BICRAL: variants seen among roughly 807,000 people sequenced by gnomAD.
BICRAL encodes BICRA like chromatin remodeling complex associated protein.
Under a neutral mutation model 91.8 loss-of-function variants are expected in BICRAL, and 8 were observed. That is an observed-to-expected ratio of 0.09 (90% confidence interval 0.05 to 0.16). BICRAL has a LOEUF of 0.16. Ranked by LOEUF, BICRAL falls within the 10% of genes least tolerant of loss-of-function variation. The pLI, the probability that BICRAL is intolerant of heterozygous loss-of-function variation, is 1.00. For synonymous variants in BICRAL, 445 were observed against 491.1 expected (o/e 0.91, Z 1.24); for missense variants, 1,038 against 1,310.9 (o/e 0.79, Z 3.21).
rs367929984 is a variant in BICRAL at position 42,829,420 on chromosome 6, A to G, written c.1087A>G (p.Ile363Val). The G allele has an allele frequency of 2.3e-5, 37 of 1,614,096 alleles. No homozygotes were observed. In the African/African-American group the frequency reaches 4.4e-4, roughly 19 times the overall value. The stretch of plus-strand genomic sequence containing the variant: ...AGTTGGTCCACACATGTCTGTGAAC[A>G]TTGTAAACCAACAGAACACAAGAAA... ...SVVGPHMSVN[I>V]VNQQNTRKPV... is the part of the protein sequence containing the mutation. Residue 363 changes from isoleucine to valine, a missense_variant, in exon 6 of 13, where the codon ATT (isoleucine) becomes GTT (valine). Physicochemically the swap from Ile to Val is conservative, Grantham distance 29 (BLOSUM62 3). Transcript: ENST00000314073.
intron 1 of BICRAL, among the ~76,000 whole-genome samples, chr6:42,755,618 C>A (rs572088843): frequency 6.6e-6 from 1 of 152,064 alleles, no homozygotes; most frequent in South Asian, 2.1e-4. Flanking sequence ...CACCAGGGTT[C>A]TCTGTCCTCT....
At chr6:42,840,713 T>G (rs1454040409) in intron 6 of BICRAL, among the ~76,000 whole-genome samples, 4 of 152,028 alleles carry the variant, frequency 2.6e-5, no homozygotes, top group Non-Finnish European at 5.9e-5. Flanking sequence ...AGTTTTGTAT[T>G]TTTAGTAGAG....
chr6:42,788,967 A>C (rs1398677967), intron 1 of BICRAL, among the ~76,000 whole-genome samples: 1 of 152,114 alleles, frequency 6.6e-6, no homozygotes, highest in Non-Finnish European at 1.5e-5. Context: ...TTCACCCAAA[A>C]TTCGTGTTTT....
At chr6:42,812,564 A>G (rs1169610356) in intron 2 of BICRAL, among the ~76,000 whole-genome samples, 2 of 152,158 alleles carry the variant, frequency 1.3e-5, no homozygotes, top group Non-Finnish European at 2.9e-5. Context: ...TAATAATGAC[A>G]TGGAGTATTT....
At chr6:42,791,113 G>A (rs551865139) in intron 1 of BICRAL, among the ~76,000 whole-genome samples, 3 of 152,134 alleles carry the variant, frequency 2.0e-5, no homozygotes, top group African/African-American at 7.2e-5. Flanking sequence ...GGTGGAGGAT[G>A]AAAGAGGACC....
intron 2 of BICRAL, 59 bp from the exon 3 acceptor site, chr6:42,821,959 A>T: frequency 9.8e-7 from 1 of 1,018,890 alleles, no homozygotes. Flanking sequence ...TATTGCATTG[A>T]TACTACTGTC....
At chr6:42,793,829 C>T (rs1763345617) in intron 1 of BICRAL, among the ~76,000 whole-genome samples, 1 of 143,832 alleles carries the variant, frequency 7.0e-6, no homozygotes, top group African/African-American at 2.6e-5. Flanking sequence ...AGTACAGTGG[C>T]CCCATCTCAG....
At chr6:42,775,661 T>C (rs1157785252) in intron 1 of BICRAL, among the ~76,000 whole-genome samples, 1 of 152,194 alleles carries the variant, frequency 6.6e-6, no homozygotes, top group Non-Finnish European at 1.5e-5. Context: ...TGAATGCTTT[T>C]TTTTTATTAT....
At chr6:42,788,625 G>A (rs1280359247) in intron 1 of BICRAL, among the ~76,000 whole-genome samples, 2 of 152,202 alleles carry the variant, frequency 1.3e-5, no homozygotes, top group African/African-American at 2.4e-5. Flanking sequence ...GGGCACAAGT[G>A]CAAGGTGAAT....
chr6:42,834,964 T>G (rs1208373049), intron 6 of BICRAL, among the ~76,000 whole-genome samples: 1 of 152,206 alleles, frequency 6.6e-6, no homozygotes, highest in Non-Finnish European at 1.5e-5. Context: ...AATATGTATA[T>G]TTATACACCC....
chr6:42,802,427 T>TG lies in BICRAL; in HGVS notation c.-101-7879_-101-7878insG, dbSNP rs1554277650. ...GGCTCTTTCAGCTTTTCGTGTTTTT[T>TG]TTTGTTGTTGTTGTTGTTGTTGTTG... is the stretch of plus-strand genomic sequence containing the variant. On this transcript the variant is annotated intron_variant, in intron 1 of 12. Coordinates refer to ENST00000314073, the MANE Select transcript of BICRAL (RefSeq NM_001393499.1). Among the ~76,000 whole-genome samples, 145 of 132,670 alleles carry TG rather than the reference T, an allele frequency of 1.1e-3. 1 individual carries two copies. The highest frequency in any genetic ancestry group is 1.0e-2 in the Admixed American group (133 of 13,328). The allele number at this position is 132,670 out of a possible 152,430, so 87.0% of individuals were successfully genotyped here.
At chr6:42,783,808 C>A (rs1375920416) in intron 1 of BICRAL, among the ~76,000 whole-genome samples, 2 of 152,238 alleles carry the variant, frequency 1.3e-5, no homozygotes. Flanking sequence ...CACCCCCACT[C>A]CTCCCAGTCG....
intron 6 of BICRAL, among the ~76,000 whole-genome samples, chr6:42,839,365 A>G (rs901168733): frequency 6.6e-6 from 1 of 152,040 alleles, no homozygotes; most frequent in African/African-American, 2.4e-5. Context: ...GGCTGGCTCT[A>G]ACTCCTGGGG....
intron 1 of BICRAL, among the ~76,000 whole-genome samples, chr6:42,770,477 C>T (rs1762702871): frequency 6.8e-6 from 1 of 147,236 alleles, no homozygotes; most frequent in African/African-American, 2.5e-5. Context: ...TGCAGTGGCG[C>T]AATCTCAGCT....
intron 8 of BICRAL, among the ~76,000 whole-genome samples, chr6:42,854,556 CACTCAG>C (rs1765285986): frequency 6.6e-6 from 1 of 152,084 alleles, no homozygotes; most frequent in Admixed American, 6.6e-5. Flanking sequence ...CTCACCCTGT[CACTCAG>C]ACTGTGCTGC....
intron 2 of BICRAL, among the ~76,000 whole-genome samples, chr6:42,814,507 A>G (rs745554103): frequency 1.1e-5 from 1 of 89,444 alleles, no homozygotes; most frequent in African/African-American, 5.0e-5. Context: ...GTGTATATAT[A>G]TATATATATA....
At chr6:42,837,811 TC>T (rs1304531747) in intron 6 of BICRAL, among the ~76,000 whole-genome samples, 1 of 152,044 alleles carries the variant, frequency 6.6e-6, no homozygotes, top group Non-Finnish European at 1.5e-5. Context: ...ATGAAGAGTT[TC>T]CCTCCTCGTC....
At chr6:42,849,671 C>A (rs894114235) in intron 6 of BICRAL, among the ~76,000 whole-genome samples, 1 of 150,768 alleles carries the variant, frequency 6.6e-6, no homozygotes, top group African/African-American at 2.4e-5. Flanking sequence ...TGTCTCCTGA[C>A]CTCGTGATCC....
At chr6:42,764,533 G>A (rs1307550408) in intron 1 of BICRAL, among the ~76,000 whole-genome samples, 1 of 147,510 alleles carries the variant, frequency 6.8e-6, no homozygotes, top group Non-Finnish European at 1.5e-5. Flanking sequence ...GTAAGACTCT[G>A]TCTTAAAAAA....
Sources: allele counts gnomAD v4.1 joint callset (sites outside exome capture counted in the v4.1 genomes callset), GRCh38; gene constraint gnomAD v4.1.1; transcripts MANE v1.5; gene names NCBI Gene and HGNC (gene_info 2026-07-23, HGNC 2026-07-21).